Variants in RARB observed in about 807,000 individuals in gnomAD.
RARB encodes the protein HBV-activated protein.
In RARB, 17 loss-of-function variants were observed where a neutral mutation model predicts 51.9. That is an observed-to-expected ratio of 0.33 (90% CI 0.22 to 0.49). The LOEUF (loss-of-function observed/expected upper bound fraction) is 0.49, where lower values mean the gene tolerates loss of function less well. RARB is among the 20% of genes least tolerant of loss of function. RARB has a pLI of 0.99. For synonymous variants in RARB, 215 were observed against 195.4 expected (o/e 1.10, Z -0.84); for missense variants, 369 against 550.8 (o/e 0.67, Z 3.30).
intron 2 of RARB, among the ~76,000 whole-genome samples, chr3:25,014,215 CCCA>C (rs1380056210): frequency 5.9e-5 from 9 of 151,986 alleles, no homozygotes; most frequent in Non-Finnish European, 1.2e-4. Context: ...TGTCTCTTTT[CCCA>C]CCAAGAGATG....
chr3:25,133,559 C>T (rs1267433693), intron 4 of RARB, among the ~76,000 whole-genome samples: 1 of 151,966 alleles, frequency 6.6e-6, no homozygotes, highest in African/African-American at 2.4e-5. Context: ...GAATAAATCC[C>T]AGGTGCTTAT....
chr3:24,943,788 G>A (rs962564400), intron 2 of RARB, among the ~76,000 whole-genome samples: 1 of 152,312 alleles, frequency 6.6e-6, no homozygotes, highest in African/African-American at 2.4e-5. Flanking sequence ...GAATATCAAA[G>A]ATTAGAATCT....
chr3:25,403,036 G>A (rs957527053), intron 5 of RARB, among the ~76,000 whole-genome samples: 5 of 151,990 alleles, frequency 3.3e-5, no homozygotes, highest in East Asian at 1.9e-4. Flanking sequence ...GGTGGTGGGC[G>A]CCTGTAGTCC....
intron 2 of RARB, among the ~76,000 whole-genome samples, chr3:24,935,751 G>T (rs1237576341): frequency 1.3e-5 from 2 of 152,064 alleles, no homozygotes; most frequent in East Asian, 3.8e-4. Context: ...AAATTGGATT[G>T]TTTGTTTTCA....
At chr3:24,943,432 T>C (rs146183025) in intron 2 of RARB, among the ~76,000 whole-genome samples, 6 of 152,300 alleles carry the variant, frequency 3.9e-5, no homozygotes, top group African/African-American at 1.4e-4. Context: ...TCTAACGGCA[T>C]GCTAAAAAAG....
intron 5 of RARB, among the ~76,000 whole-genome samples, chr3:25,264,108 TTGA>T (rs748263573): frequency 0.16 from 11,968 of 72,998 alleles, 604 homozygotes; most frequent in South Asian, 0.31. Flanking sequence ...TGGGGCATTG[TTGA>T]TTTTTTTTTT....
At chr3:25,197,980 T>C (rs1021107651) in intron 5 of RARB, among the ~76,000 whole-genome samples, 3 of 151,930 alleles carry the variant, frequency 2.0e-5, no homozygotes, top group African/African-American at 7.2e-5. Context: ...GCTAAAGCTA[T>C]CCTGAGCATA....
intron 5 of RARB, among the ~76,000 whole-genome samples, chr3:25,304,891 C>T (rs1019139217): frequency 4.6e-5 from 7 of 152,166 alleles, no homozygotes; most frequent in Admixed American, 3.9e-4. Flanking sequence ...AAACTTACTC[C>T]AGTGGTATTT....
chr3:25,293,826 C>T (rs1021522203), intron 5 of RARB, among the ~76,000 whole-genome samples: 1 of 152,110 alleles, frequency 6.6e-6, no homozygotes, highest in African/African-American at 2.4e-5. Flanking sequence ...CCTACCCTAG[C>T]CAGCCTCACA....
At chr3:25,048,663 A>G (rs1698264539) in intron 2 of RARB, among the ~76,000 whole-genome samples, 1 of 151,266 alleles carries the variant, frequency 6.6e-6, no homozygotes, top group Non-Finnish European at 1.5e-5. Context: ...TTTGGTCTTT[A>G]TCTGATTGCT....
intron 2 of RARB, among the ~76,000 whole-genome samples, chr3:24,868,723 T>C (rs1159950280): frequency 3.3e-5 from 5 of 152,172 alleles, no homozygotes; most frequent in Non-Finnish European, 5.9e-5. Flanking sequence ...ACTTGTGTGA[T>C]AAAACCTTGG....
rs145194750 is a variant in RARB, at chr3:24,894,369, A to G, written c.-380+35617A>G. Among the ~76,000 whole-genome samples, 593 of 150,306 alleles carry G rather than the reference A, an allele frequency of 3.9e-3. 5 individuals are homozygous for G. The highest frequency in any genetic ancestry group is 0.01 in the Middle Eastern group (3 of 294). ...TTACAAGTGAGAACATGCAATATTT[A>G]GTTTTCTGTTCCTATGTTACTTCAC... is the stretch of plus-strand genomic sequence containing the variant. On this transcript the variant is annotated intron_variant, in intron 2 of 11. Coordinates refer to the RARB transcript ENST00000383772.
chr3:25,098,770 C>T (rs182254410), intron 3 of RARB, among the ~76,000 whole-genome samples: 53 of 152,154 alleles, frequency 3.5e-4, no homozygotes, highest in Admixed American at 5.9e-4. Context: ...GTTTACTGAC[C>T]CCGATCCTAA....
chr3:25,131,386 GA>G (rs1349810018), intron 3 of RARB, among the ~76,000 whole-genome samples: 1 of 151,992 alleles, frequency 6.6e-6, no homozygotes, highest in Non-Finnish European at 1.5e-5. Flanking sequence ...ATGGACTTTG[GA>G]AAATAGTCTT....
chr3:25,507,728 G>A (rs1003547438), intron 3 of RARB, among the ~76,000 whole-genome samples: 13 of 152,302 alleles, frequency 8.5e-5, no homozygotes, highest in African/African-American at 3.1e-4. Context: ...GGGGGTCCAG[G>A]GATAGGGGAG....
At chr3:24,907,485 G>GTAT (rs1694891561) in intron 2 of RARB, among the ~76,000 whole-genome samples, 1 of 152,020 alleles carries the variant, frequency 6.6e-6, no homozygotes, top group African/African-American at 2.4e-5. Context: ...ATTATTAGGT[G>GTAT]TATTATTATT....
rs547029523 is a variant in RARB, at chr3:25,194,479, G to GTATA, written c.178+19915_178+19918dup. Among the ~76,000 whole-genome samples, 11 of 147,924 alleles carry GTATA rather than the reference G, an allele frequency of 7.4e-5. No individual in the cohort carries two copies. In the East Asian group the frequency reaches 9.9e-4, roughly 13 times the overall value. On this transcript the variant is annotated intron_variant, in intron 5 of 11. Transcript: ENST00000383772. ...AAATAGTATATATATACAGTAGTGT[G>GTATA]TATATATATATATACACACACATAG... is the stretch of plus-strand genomic sequence containing the variant.
chr3:25,327,442 A>G (rs1229696949), intron 5 of RARB, among the ~76,000 whole-genome samples: 1 of 152,220 alleles, frequency 6.6e-6, no homozygotes, highest in Non-Finnish European at 1.5e-5. Context: ...TTTAATAGCT[A>G]CATTAGAAGA....
intron 5 of RARB, among the ~76,000 whole-genome samples, chr3:25,261,497 G>T (rs930386701): frequency 1.4e-4 from 21 of 151,956 alleles, no homozygotes; most frequent in African/African-American, 5.1e-4. Flanking sequence ...ATATAATTCA[G>T]TCTATCAAAT....
Sources: gnomAD v4.1 joint callset for allele counts (sites outside exome capture counted in the v4.1 genomes callset) on GRCh38, gnomAD v4.1.1 for gene constraint, MANE v1.5 for transcripts, NCBI Gene and HGNC (gene_info 2026-07-23, HGNC 2026-07-21) for gene names.